The following CTSB variants were observed in gnomAD, a reference collection of about 807,000 sequenced individuals.
The protein encoded by CTSB is cathepsin B, also known as APP secretase.
A neutral mutation model predicts 44.3 loss-of-function variants in CTSB; 57 were observed. The ratio of observed to expected loss-of-function variants is 1.29; its 90% CI spans 1.04 to 1.60. The LOEUF is 1.60. Ranked by LOEUF, CTSB falls within the 40% of genes most tolerant of loss-of-function variation. CTSB has a pLI of 0.00. For missense variants in CTSB, 768 were observed against 443.0 expected (o/e 1.73, Z -6.59); for synonymous variants, 320 against 168.0 (o/e 1.91, Z -7.00).
chr8:11,863,665 A>C (rs905889793), intron 1 of CTSB, among the ~76,000 whole-genome samples: 1 of 152,210 alleles, frequency 6.6e-6, no homozygotes, highest in South Asian at 2.1e-4. Context: ...ACTAGGCATA[A>C]GTGGGTTACT....
intron 3 of CTSB, among the ~76,000 whole-genome samples, chr8:11,851,508 G>A (rs1015886554): frequency 4.0e-5 from 6 of 151,682 alleles, no homozygotes; most frequent in Admixed American, 2.0e-4. Context: ...GATATTGTAC[G>A]CTTCTTTCTA....
chr8:11,866,529 C>CA (rs1359004907), intron 1 of CTSB, among the ~76,000 whole-genome samples: 3 of 152,228 alleles, frequency 2.0e-5, no homozygotes, highest in Non-Finnish European at 2.9e-5. Flanking sequence ...GTGGGCGGCC[C>CA]AGCCCCTTTC....
In CTSB at chr8:11,845,094, C is replaced by T. The variant is rs1472425825; in HGVS notation, c.*31G>A. On this transcript the variant is annotated 3_prime_UTR_variant, in exon 10 of 10. Transcript: ENST00000353047. ...AATGCATTTCTACCCCGATCTCGCC[C>T]CCAGGACTGGCACGACAGGCCCACG... 11 of 1,464,120 alleles carry T rather than the reference C, an allele frequency of 7.5e-6. No individual in the cohort carries two copies. The highest frequency in any genetic ancestry group is 1.4e-5 in the African/African-American group (1 of 72,018). The allele number at this position is 1,464,120 out of a possible 1,614,324, so 90.7% of individuals were successfully genotyped here. A position where few individuals can be genotyped will look rare whatever the true frequency, so the allele number is the denominator to read the frequency against.
chr8:11,862,371 T>A (rs972424007), intron 1 of CTSB: 1 of 152,288 alleles, frequency 6.6e-6, no homozygotes, highest in African/African-American at 2.4e-5. Flanking sequence ...AGCAGCGCCA[T>A]CTGGGAGAAA....
intron 1 of CTSB, among the ~76,000 whole-genome samples, chr8:11,855,419 G>A (rs1586157970): frequency 6.6e-6 from 1 of 152,222 alleles, no homozygotes; most frequent in African/African-American, 2.4e-5. Flanking sequence ...TACTTTGGGA[G>A]GCCAAGGCAA....
At chr8:11,850,490 T>A (rs924506710) in intron 4 of CTSB, 1 of 159,454 alleles carries the variant, frequency 6.3e-6, no homozygotes, top group Admixed American at 6.4e-5. Context: ...TACATTTCTG[T>A]TACGTGTATT....
rs555786726 is a variant in CTSB at position 11,858,952 on chromosome 8, T to A, written c.-25-5473A>T. On this transcript the variant is annotated intron_variant, in intron 1 of 9. Transcript: ENST00000353047. ...CTTACAAGAGATGATGAACACAAAG[T>A]CCTTATTTCACGAGGGAAGGATGTG... Among the ~76,000 whole-genome samples, 106 of 152,240 alleles carry A rather than the reference T, an allele frequency of 7.0e-4. 4 individuals are homozygous for A. The South Asian group carries it at 0.021, about 30-fold the overall frequency.
intron 4 of CTSB, chr8:11,850,640 A>G: frequency 4.9e-6 from 2 of 409,162 alleles, no homozygotes. Flanking sequence ...CGCCACCTGT[A>G]CACGTGGACT....
rs1457713736 is a variant in CTSB, at chr8:11,850,867, C to T, written c.326G>A (p.Trp109Ter). 6.2e-7 allele frequency: 1 copy of T among 1,610,626 alleles called. No homozygotes were observed. The highest frequency in any genetic ancestry group is 8.5e-7 in the Non-Finnish European group (1 of 1,177,568). The change falls in exon 4 of 10, where the codon TGG becomes TAG. Residue 109 changes from tryptophan (W) to a stop codon, truncating the protein, a stop_gained and splice_region_variant. Transcript: ENST00000353047. LOFTEE classifies it high-confidence loss of function. ...CCCCGCCAGCCAGCAGGGCCTTACC[C>T]AGCAGGAGCCACAGGAGCCCTGGTC... ...IRDQGSCGSC[W>*]AFGAVEAISD...
At chr8:11,850,419 C>CAAAAAAAAAAAAAAAAA (rs61067792) in intron 4 of CTSB, among the ~76,000 whole-genome samples, 1 of 53,770 alleles carries the variant, frequency 1.9e-5, no homozygotes, top group Non-Finnish European at 3.3e-5. Context: ...ACTCCATCTC[C>CAAAAAAAAAAAAAAAAA]AAAAAAAAAA....
intron 8 of CTSB, 121 bp from the exon 9 acceptor site, chr8:11,845,910 G>C (rs948747889): frequency 1.7e-4 from 208 of 1,253,132 alleles, no homozygotes; most frequent in Middle Eastern, 2.5e-4. Flanking sequence ...GGAACCTGCT[G>C]CTCCACCAGG....
intron 9 of CTSB, 57 bp downstream of exon 9, chr8:11,845,604 G>A: frequency 1.3e-6 from 2 of 1,583,974 alleles, no homozygotes; most frequent in Admixed American, 1.7e-5. Context: ...AGCCGAGATG[G>A]CCACGGGGTG....
At chr8:11,846,132 A>G in intron 8 of CTSB, 1 of 172,282 alleles carries the variant, frequency 5.8e-6, no homozygotes, top group South Asian at 1.5e-4. Flanking sequence ...CCATGTAAGT[A>G]AGGGTTTGTC....
rs548844821 is a variant in CTSB, at chr8:11,849,218, G to C, written c.328-54C>G. On this transcript the variant is annotated intron_variant, in intron 4 of 9. Transcript: ENST00000353047. ...CTGCCATGTCCGGGCTGGGCCCTCT[G>C]CAGCAGTCCCCTCAAAGGGCCACAG... 8.7e-5 allele frequency: 129 copies of C among 1,477,316 alleles called. No homozygotes were observed. In the African/African-American group the frequency reaches 1.6e-3, roughly 18 times the overall value. 91.5% of individuals were successfully genotyped at this position (1,477,316 alleles called of 1,614,324 possible).
At chr8:11,864,978 A>C (rs1189798389) in intron 1 of CTSB, among the ~76,000 whole-genome samples, 1 of 152,010 alleles carries the variant, frequency 6.6e-6, no homozygotes, top group East Asian at 1.9e-4. Flanking sequence ...CTCCTACCCC[A>C]CACAAGCTAG....
At chr8:11,851,089 C>G (rs895806225) in intron 3 of CTSB, 109 bp from the exon 4 acceptor site, 25 of 565,332 alleles carry the variant, frequency 4.4e-5, no homozygotes, top group Non-Finnish European at 8.0e-5. Flanking sequence ...GAAATGAGCA[C>G]AAGACATGCC....
chr8:11,853,212 A>G, intron 2 of CTSB, 117 bp downstream of exon 2: 1 of 1,420,326 alleles, frequency 7.0e-7, no homozygotes, highest in Non-Finnish European at 9.6e-7. Context: ...GCCATTTTTC[A>G]ACAGTCCAGG....
At chr8:11,863,654 C>T (rs988982848) in intron 1 of CTSB, among the ~76,000 whole-genome samples, 1 of 152,146 alleles carries the variant, frequency 6.6e-6, no homozygotes, top group African/African-American at 2.4e-5. Context: ...AATAATGGAA[C>T]ACTAGGCATA....
At chr8:11,864,757 T>C (rs1313646910) in intron 1 of CTSB, among the ~76,000 whole-genome samples, 4 of 151,626 alleles carry the variant, frequency 2.6e-5, no homozygotes, top group Non-Finnish European at 5.9e-5. Context: ...CTACTAAAAA[T>C]ACAAAAATTA....
Sources: gnomAD v4.1 joint callset for allele counts (sites outside exome capture counted in the v4.1 genomes callset) on GRCh38, gnomAD v4.1.1 for gene constraint, MANE v1.5 for transcripts, NCBI Gene and HGNC (gene_info 2026-07-23, HGNC 2026-07-21) for gene names.